DMD: variants seen among roughly 807,000 people sequenced by gnomAD.
DMD encodes the protein dystrophin.
DMD carries 63 observed loss-of-function variants against 330.1 expected under a neutral mutation model. That is an observed-to-expected ratio of 0.19 (90% CI 0.16 to 0.24). The LOEUF (loss-of-function observed/expected upper bound fraction) is 0.24. Ranked by LOEUF, DMD falls within the 10% of genes least tolerant of loss-of-function variation. DMD has a pLI of 1.00. For missense variants in DMD, 3,344 were observed against 2,684.1 expected (o/e 1.25, Z -5.43); for synonymous variants, 1,223 against 959.8 (o/e 1.27, Z -5.07).
At chrX:31,365,187 C>T (rs1356668484) in intron 60 of DMD, among the ~76,000 whole-genome samples, 1 of 109,452 alleles carries the variant, frequency 9.1e-6, no homozygotes, top group Non-Finnish European at 1.9e-5. Context: ...TTTTGGTGCA[C>T]CCCTATCCAG....
chrX:32,525,910 T>A (rs1344171169), intron 17 of DMD, among the ~76,000 whole-genome samples: 1 of 112,017 alleles, frequency 8.9e-6, no homozygotes, highest in Non-Finnish European at 1.9e-5. Flanking sequence ...ATATTCAACG[T>A]TGGATTCTGT....
At position 32,853,843 on chromosome X, in the gene DMD, C is replaced by T. The variant is rs770199962; in HGVS notation, c.94-4023G>A. 2.6e-4 allele frequency among the ~76,000 whole-genome samples: 27 copies of T among 104,661 alleles called. No individual in the cohort carries two copies. The South Asian group carries it at 8.6e-3, about 33-fold the overall frequency. 90.9% of individuals were successfully genotyped at this position (104,661 alleles called of 115,157 possible). A position where few individuals can be genotyped will look rare whatever the true frequency, so the allele number is the denominator to read the frequency against. On this transcript the variant is annotated intron_variant, in intron 2 of 78. Transcript: ENST00000357033. ...CTCAATCTGTTGCCTACAAGAAACACGCTTCACCTACAAAGCCAGACTTAA... is the reference window on the plus strand; with the variant it reads ...CTCAATCTGTTGCCTACAAGAAACATGCTTCACCTACAAAGCCAGACTTAA...
chrX:32,891,909 C>G (rs1170110452), intron 2 of DMD, among the ~76,000 whole-genome samples: 1 of 111,300 alleles, frequency 9.0e-6, no homozygotes, highest in Non-Finnish European at 1.9e-5. Flanking sequence ...ACCTGGAATC[C>G]TGCCATCCTC....
At chrX:33,048,158 A>G in intron 1 of DMD, among the ~76,000 whole-genome samples, 2 of 112,080 alleles carry the variant, frequency 1.8e-5, no homozygotes, top group Non-Finnish European at 1.9e-5. Flanking sequence ...ATACAGACAC[A>G]TAGATTCACA....
chrX:31,627,960 A>T, intron 54 of DMD, 98 bp from the exon 55 acceptor site: 1 of 792,189 alleles, frequency 1.3e-6, no homozygotes, highest in Non-Finnish European at 1.9e-6. Flanking sequence ...CTAAATTGTA[A>T]TATACCAACA....
intron 63 of DMD, among the ~76,000 whole-genome samples, chrX:31,237,525 C>T (rs905432691): frequency 1.8e-5 from 2 of 111,564 alleles, no homozygotes; most frequent in African/African-American, 6.5e-5. Flanking sequence ...AATTACTTAG[C>T]AGCTGCAGTT....
chrX:31,420,410 T>C (rs1227127457), intron 60 of DMD, among the ~76,000 whole-genome samples: 1 of 112,347 alleles, frequency 8.9e-6, no homozygotes, highest in Non-Finnish European at 1.9e-5. Flanking sequence ...TACTTCTTTC[T>C]CAAGAGTAAA....
intron 19 of DMD, among the ~76,000 whole-genome samples, chrX:32,493,117 TC>T (rs1008802651): frequency 8.9e-6 from 1 of 111,792 alleles, no homozygotes; most frequent in African/African-American, 3.3e-5. Context: ...TCCCACTTTA[TC>T]CTTTTTAAAG....
chrX:33,005,628 A>AC (rs397720772), intron 2 of DMD, among the ~76,000 whole-genome samples: 1 of 109,743 alleles, frequency 9.1e-6, no homozygotes, highest in Non-Finnish European at 1.9e-5. Context: ...ATATAAAAAA[A>AC]TGAACAAAAA....
intron 7 of DMD, among the ~76,000 whole-genome samples, chrX:32,720,138 T>A (rs946145512): frequency 9.0e-6 from 1 of 111,644 alleles, no homozygotes; most frequent in Non-Finnish European, 1.9e-5. Context: ...TCGTAACACC[T>A]ATTATACGAG....
intron 43 of DMD, among the ~76,000 whole-genome samples, chrX:32,222,881 C>T (rs2097136416): frequency 9.0e-6 from 1 of 111,638 alleles, no homozygotes; most frequent in African/African-American, 3.2e-5. Context: ...CATGGTTGGC[C>T]ATGCCTATCC....
chrX:31,119,517 AAAT>A lies in DMD; in HGVS notation c.*2399_*2401del, dbSNP rs2031969585. On this transcript the variant is annotated 3_prime_UTR_variant, in exon 79 of 79. Transcript: ENST00000357033. ...TGGTGGTTATAAAGAACACAACACG[AAAT>A]AATGTCCAAATTAATTATGCTTAAA... 8.9e-6 allele frequency: 1 copy of A among 112,657 alleles called. No individual in the cohort carries two copies. The highest frequency in any genetic ancestry group is 9.5e-5 in the Admixed American group (1 of 10,550). The allele number at this position is 112,657 out of a possible 1,213,427, so 9.3% of individuals were successfully genotyped here.
intron 55 of DMD, among the ~76,000 whole-genome samples, chrX:31,586,871 T>C (rs1329788031): frequency 8.9e-6 from 1 of 112,274 alleles, no homozygotes; most frequent in African/African-American, 3.2e-5. Context: ...TGAGTAATGG[T>C]ACAATTTAGG....
intron 44 of DMD, among the ~76,000 whole-genome samples, chrX:32,097,857 T>C (rs2096518876): frequency 8.9e-6 from 1 of 111,922 alleles, no homozygotes; most frequent in African/African-American, 3.2e-5. Context: ...TGAACATCTG[T>C]CTTATTCCCA....
intron 1 of DMD, among the ~76,000 whole-genome samples, chrX:33,030,320 T>A (rs1445277837): frequency 8.9e-6 from 1 of 111,770 alleles, no homozygotes; most frequent in Admixed American, 9.5e-5. Context: ...AAAATTCAAG[T>A]CTTCTCGATT....
intron 18 of DMD, among the ~76,000 whole-genome samples, chrX:32,503,564 G>C (rs1437774453): frequency 9.0e-6 from 1 of 110,767 alleles, no homozygotes; most frequent in African/African-American, 3.3e-5. Context: ...TTTTGTTTTT[G>C]TTTCTCTTTG....
Position 31,620,849 on chromosome X carries a change from G to A in DMD, c.8217+6824C>T, listed in dbSNP as rs73214015. Among the ~76,000 whole-genome samples, 673 of 111,848 alleles carry A rather than the reference G, an allele frequency of 6.0e-3. 3 individuals carry two copies. Among genetic ancestry groups the A allele is most frequent in the Non-Finnish European group, 0.011 (575 of 53,225 alleles). ...CACTTAATACCAATTCTGTACTACA[G>A]TAAGTAACATTTTGGTGACATTTAG... On this transcript the variant is annotated intron_variant, in intron 55 of 78. Coordinates refer to ENST00000357033, the MANE Select transcript of DMD (RefSeq NM_004006.3).
chrX:32,735,448 G>A (rs1248891252), intron 7 of DMD, among the ~76,000 whole-genome samples: 31 of 110,955 alleles, frequency 2.8e-4, no homozygotes, highest in East Asian at 5.7e-4. Flanking sequence ...AAAAGAGCCC[G>A]CATCACCAAG....
chrX:33,207,398 A>T (rs1374240394), intron 1 of DMD, among the ~76,000 whole-genome samples: 1 of 111,440 alleles, frequency 9.0e-6, no homozygotes, highest in Non-Finnish European at 1.9e-5. Context: ...AAATTTCATG[A>T]AAAAATAAAC....
Sources: allele counts gnomAD v4.1 joint callset (sites outside exome capture counted in the v4.1 genomes callset), GRCh38; gene constraint gnomAD v4.1.1; transcripts MANE v1.5; gene names NCBI Gene and HGNC (gene_info 2026-07-23, HGNC 2026-07-21).